Variants in PPM1H observed in about 807,000 individuals in gnomAD.
PPM1H encodes protein phosphatase 1H.
A neutral mutation model predicts 54.9 loss-of-function variants in PPM1H; 27 were observed. The observed-to-expected ratio is 0.49, with a 90% CI of 0.36 to 0.68. PPM1H has a LOEUF of 0.68. Ranked by LOEUF, PPM1H falls within the 30% of genes least tolerant of loss-of-function variation. PPM1H has a pLI of 0.00. For missense variants in PPM1H, 596 were observed against 667.8 expected (o/e 0.89, Z 1.19); for synonymous variants, 305 against 270.8 (o/e 1.13, Z -1.24).
chr12:62,748,429 G>A (rs1210659877), intron 4 of PPM1H, among the ~76,000 whole-genome samples: 1 of 151,876 alleles, frequency 6.6e-6, no homozygotes, highest in East Asian at 1.9e-4. Context: ...AAAAGTCCTG[G>A]GAGTGCAGAA....
chr12:62,694,100 T>C, intron 6 of PPM1H, 101 bp from the exon 7 acceptor site: 1 of 984,860 alleles, frequency 1.0e-6, no homozygotes, highest in Non-Finnish European at 1.6e-6. Context: ...TGAGACCCCA[T>C]CCACTCACCA....
intron 5 of PPM1H, among the ~76,000 whole-genome samples, chr12:62,734,618 C>T (rs1282263407): frequency 2.6e-5 from 4 of 152,220 alleles, no homozygotes; most frequent in Non-Finnish European, 5.9e-5. Context: ...ACCAAGTTAA[C>T]CTCCCAGGTC....
At chr12:62,651,699 A>G (rs1378856654) in intron 9 of PPM1H, among the ~76,000 whole-genome samples, 1 of 152,110 alleles carries the variant, frequency 6.6e-6, no homozygotes, top group African/African-American at 2.4e-5. Flanking sequence ...TCCTGAGGGA[A>G]AATCCACTCT....
intron 6 of PPM1H, among the ~76,000 whole-genome samples, chr12:62,714,055 C>T: frequency 6.6e-6 from 1 of 152,230 alleles, no homozygotes; most frequent in African/African-American, 2.4e-5. Flanking sequence ...CCACACCATT[C>T]CCAACTATAC....
chr12:62,791,113 C>T (rs1275757543), intron 3 of PPM1H, among the ~76,000 whole-genome samples: 1 of 152,178 alleles, frequency 6.6e-6, no homozygotes, highest in Non-Finnish European at 1.5e-5. Flanking sequence ...CCCCTTACCT[C>T]TGCCTTAATA....
At chr12:62,905,814 C>A (rs948056151) in intron 1 of PPM1H, among the ~76,000 whole-genome samples, 1 of 152,108 alleles carries the variant, frequency 6.6e-6, no homozygotes. Flanking sequence ...GGAGATAATA[C>A]CCCTTCCATG....
At chr12:62,659,241 A>G in intron 9 of PPM1H, 1 of 417,458 alleles carries the variant, frequency 2.4e-6, no homozygotes, top group South Asian at 2.2e-5. Context: ...TCATGTGCAC[A>G]TTGTGTTCTA....
intron 1 of PPM1H, among the ~76,000 whole-genome samples, chr12:62,879,458 T>C (rs1346228569): frequency 6.6e-6 from 1 of 152,168 alleles, no homozygotes; most frequent in African/African-American, 2.4e-5. Context: ...TCATGCCCTT[T>C]TTAGGGACAC....
chr12:62,806,263 C>G (rs2076804665), intron 2 of PPM1H, among the ~76,000 whole-genome samples: 1 of 151,906 alleles, frequency 6.6e-6, no homozygotes, highest in African/African-American at 2.4e-5. Flanking sequence ...TGAACCATTA[C>G]TCTGTGCTCT....
rs370490586 is a variant in PPM1H, at chr12:62,650,037, G to A, written c.1398-1401C>T. On this transcript the variant is annotated intron_variant, in intron 9 of 9. Transcript: ENST00000228705. Reference sequence around the variant, plus strand: ...CTACTTGGAATGTTTCAGTAGTCTCGCCTTCAGAGCTGTGAGTTATGGAAT... The same window carrying A: ...CTACTTGGAATGTTTCAGTAGTCTCACCTTCAGAGCTGTGAGTTATGGAAT... 4.6e-5 allele frequency among the ~76,000 whole-genome samples: 7 copies of A among 152,092 alleles called. No homozygotes were observed. The East Asian group carries it at 5.8e-4, about 13-fold the overall frequency.
intron 4 of PPM1H, among the ~76,000 whole-genome samples, chr12:62,740,085 C>T (rs1233783433): frequency 6.6e-6 from 1 of 152,164 alleles, no homozygotes; most frequent in Non-Finnish European, 1.5e-5. Context: ...AAAACCAAAA[C>T]CAAACAGATG....
intron 9 of PPM1H, 85 bp from the exon 10 acceptor site, chr12:62,648,721 C>T: frequency 6.9e-7 from 1 of 1,443,492 alleles, no homozygotes. Context: ...GGGGAGGCAT[C>T]ACTACAGTTG....
chr12:62,929,466 A>G (rs769888335), intron 1 of PPM1H, among the ~76,000 whole-genome samples: 37 of 152,228 alleles, frequency 2.4e-4, no homozygotes, highest in Admixed American at 4.6e-4. Context: ...ACTCTTGAAC[A>G]TTAATGTATT....
chr12:62,864,773 G>C (rs1159010402), intron 1 of PPM1H, among the ~76,000 whole-genome samples: 1 of 152,138 alleles, frequency 6.6e-6, no homozygotes, highest in Non-Finnish European at 1.5e-5. Flanking sequence ...TGAGTAAAAT[G>C]TTTTTATGAG....
intron 2 of PPM1H, among the ~76,000 whole-genome samples, chr12:62,829,965 C>T (rs940106154): frequency 3.9e-5 from 6 of 152,216 alleles, no homozygotes; most frequent in South Asian, 2.1e-4. Context: ...GAACACTTCA[C>T]GCTTTCCAAG....
chr12:62,820,059 A>G (rs2076893208), intron 2 of PPM1H, among the ~76,000 whole-genome samples: 1 of 152,204 alleles, frequency 6.6e-6, no homozygotes, highest in Non-Finnish European at 1.5e-5. Flanking sequence ...GAAAATCAGG[A>G]CACTCCCGCC....
At chr12:62,915,607 T>C (rs1027558068) in intron 1 of PPM1H, among the ~76,000 whole-genome samples, 1 of 152,168 alleles carries the variant, frequency 6.6e-6, no homozygotes. Flanking sequence ...CCTGGATACA[T>C]TGCATACAGG....
intron 2 of PPM1H, among the ~76,000 whole-genome samples, chr12:62,831,886 G>A (rs1001869557): frequency 4.6e-5 from 7 of 151,806 alleles, no homozygotes; most frequent in African/African-American, 1.5e-4. Flanking sequence ...TGGTGTGGGT[G>A]TTTCATTTAC....
intron 2 of PPM1H, 149 bp downstream of exon 2, chr12:62,831,965 G>A (rs537367529): frequency 2.9e-5 from 26 of 888,548 alleles, no homozygotes; most frequent in African/African-American, 6.8e-5. Context: ...GTGTGATGTC[G>A]TGACGATAGG....
Sources: gnomAD v4.1 joint callset for allele counts (sites outside exome capture counted in the v4.1 genomes callset) on GRCh38, gnomAD v4.1.1 for gene constraint, MANE v1.5 for transcripts, NCBI Gene and HGNC (gene_info 2026-07-23, HGNC 2026-07-21) for gene names.